Variants in CCDC138 observed in about 807,000 individuals in gnomAD.
The protein encoded by CCDC138 is coiled-coil domain-containing protein 138.
In CCDC138, 66 loss-of-function variants were observed where a neutral mutation model predicts 82.3. The ratio of observed to expected loss-of-function variants is 0.80; its 90% CI spans 0.66 to 0.98. The LOEUF is 0.98. CCDC138 is among the 50% of genes least tolerant of loss of function. CCDC138 has a pLI of 0.00. For missense variants in CCDC138, 816 were observed against 758.9 expected (o/e 1.08, Z -0.88); for synonymous variants, 297 against 265.4 (o/e 1.12, Z -1.16).
chr2:108,815,857 T>G, intron 9 of CCDC138, 84 bp from the exon 10 acceptor site: 1 of 1,126,712 alleles, frequency 8.9e-7, no homozygotes, highest in South Asian at 1.5e-5. Context: ...CAAATTATTC[T>G]TATTACTTAA....
Position 108,873,488 on chromosome 2 carries a change from T to C in CCDC138, c.1731T>C (p.Ser577=). 1 of 1,608,530 alleles carries C rather than the reference T, an allele frequency of 6.2e-7. No homozygotes were observed. The highest frequency in any genetic ancestry group is 8.5e-7 in the Non-Finnish European group (1 of 1,177,620). Residue 577 remains serine (S), a synonymous_variant, in exon 14 of 15, where the codon TCT becomes TCC. Transcript: ENST00000295124. Reference sequence around the variant, plus strand: ...CTTTCCTGGAAGCCTGTAGCAACTCTTTATTTTTTCGTACTTGCTCTGTGC... The same window carrying C: ...CTTTCCTGGAAGCCTGTAGCAACTCCTTATTTTTTCGTACTTGCTCTGTGC... ...LQPFLEACSN[S]LFFRTCSVLL...
rs1426627213 is a variant in CCDC138, at chr2:108,815,984, T to C, written c.1085T>C (p.Met362Thr). The C allele has an allele frequency of 2.5e-6, 4 of 1,613,466 alleles. No homozygotes were observed. In the African/African-American group the frequency reaches 4.0e-5, roughly 16 times the overall value. Reference sequence around the variant, plus strand: ...GTTTATGAACTTTTAACTGTCTTCATGGACTGGATTTCGGATCATCATCTT... The same window carrying C: ...GTTTATGAACTTTTAACTGTCTTCACGGACTGGATTTCGGATCATCATCTT... ...GQVYELLTVF[M>T]DWISDHHLSK... The change falls in exon 10 of 15, where the codon ATG (methionine) becomes ACG (threonine). Residue 362 changes from methionine to threonine, a missense_variant. By Grantham distance (81) the Met-to-Thr change is moderately conservative. Coordinates refer to ENST00000295124, the MANE Select transcript of CCDC138 (RefSeq NM_144978.3).
chr2:108,794,577 G>T lies in CCDC138; in HGVS notation c.432G>T (p.Arg144=). Residue 144 remains arginine (R), a synonymous_variant, in exon 5 of 15, where the codon CGG becomes CGT. Coordinates refer to ENST00000295124, the MANE Select transcript of CCDC138 (RefSeq NM_144978.3). ...LPTNTTSSRP[R]TECCSDAGDS... ...CTAATACGACCTCATCGAGACCTCG[G>T]ACTGAGTGTTGTAGTGATGCAGGTG... The T allele has an allele frequency of 6.2e-7, 1 of 1,613,718 alleles. No individual in the cohort carries two copies. The highest frequency in any genetic ancestry group is 8.5e-7 in the Non-Finnish European group (1 of 1,179,858).
chr2:108,787,197 G>A (rs1477599231), intron 1 of CCDC138, among the ~76,000 whole-genome samples: 5 of 152,214 alleles, frequency 3.3e-5, no homozygotes, highest in Non-Finnish European at 7.4e-5. Context: ...GCAGTGATGT[G>A]AGTGGAGTTG....
intron 12 of CCDC138, among the ~76,000 whole-genome samples, chr2:108,855,059 A>G (rs1195819076): frequency 6.6e-6 from 1 of 152,232 alleles, no homozygotes; most frequent in African/African-American, 2.4e-5. Flanking sequence ...TGAATAATAT[A>G]GCATTTATAA....
At chr2:108,813,358 G>A (rs1684231142) in intron 9 of CCDC138, among the ~76,000 whole-genome samples, 1 of 150,454 alleles carries the variant, frequency 6.6e-6, no homozygotes, top group African/African-American at 2.4e-5. Context: ...TTTTTGGAAT[G>A]TTTGCTATGG....
chr2:108,790,734 G>C (rs904166802), intron 3 of CCDC138, among the ~76,000 whole-genome samples: 1 of 152,114 alleles, frequency 6.6e-6, no homozygotes, highest in Non-Finnish European at 1.5e-5. Context: ...ATAAAATAAT[G>C]TAAAATATCT....
At chr2:108,832,742 T>C (rs1442315932) in intron 10 of CCDC138, among the ~76,000 whole-genome samples, 2 of 152,102 alleles carry the variant, frequency 1.3e-5, no homozygotes, top group Admixed American at 6.5e-5. Context: ...GAAGGATGAG[T>C]AGGTTTTTGT....
At chr2:108,843,841 G>GTTTT (rs1574181368) in intron 11 of CCDC138, among the ~76,000 whole-genome samples, 3 of 81,786 alleles carry the variant, frequency 3.7e-5, no homozygotes, top group Admixed American at 1.4e-4. Flanking sequence ...TCAAGTTCAT[G>GTTTT]TTTTGTGTGT....
intron 11 of CCDC138, among the ~76,000 whole-genome samples, chr2:108,840,318 G>A (rs564740225): frequency 1.5e-4 from 23 of 151,926 alleles, no homozygotes; most frequent in Non-Finnish European, 2.9e-4. Context: ...ACTCTCTTTG[G>A]TTTTGTATCA....
At chr2:108,824,767 T>G (rs2150117029) in intron 10 of CCDC138, among the ~76,000 whole-genome samples, 1 of 152,330 alleles carries the variant, frequency 6.6e-6, no homozygotes, top group Middle Eastern at 3.4e-3. Context: ...CACAGTAGTT[T>G]TTTTTTTACA....
chr2:108,788,846 T>C lies in CCDC138; in HGVS notation c.152-6T>C. ...TAATCTTTCATGGTTTCTTTGTCGT[T>C]GACAGGTGATTTGGATATCTACTCT... On this transcript the variant is annotated splice_region_variant and splice_polypyrimidine_tract_variant and intron_variant, in intron 2 of 14. Coordinates refer to ENST00000295124, the MANE Select transcript of CCDC138 (RefSeq NM_144978.3). 1 of 1,614,030 alleles carries C rather than the reference T, an allele frequency of 6.2e-7. No homozygotes were observed. Among genetic ancestry groups the C allele is most frequent in the Non-Finnish European group, 8.5e-7 (1 of 1,179,940 alleles).
In CCDC138 at chr2:108,876,313, C is replaced by A; in HGVS notation, c.*60C>A. On this transcript the variant is annotated 3_prime_UTR_variant, in exon 15 of 15. Transcript: ENST00000295124. The stretch of plus-strand genomic sequence containing the variant: ...TTATTTATAAACATGTAGAAATTAC[C>A]AAAGTAACTACAATTCTACCAAGTA... 3 of 914,842 alleles carry A rather than the reference C, an allele frequency of 3.3e-6. No homozygotes were observed. The highest frequency in any genetic ancestry group is 3.2e-6 in the Non-Finnish European group (2 of 621,856). The allele number at this position is 914,842 out of a possible 1,614,324, so 56.7% of individuals were successfully genotyped here.
intron 11 of CCDC138, among the ~76,000 whole-genome samples, chr2:108,845,217 A>ATT (rs939945142): frequency 6.6e-6 from 1 of 151,994 alleles, no homozygotes; most frequent in African/African-American, 2.4e-5. Flanking sequence ...AAAAACATGT[A>ATT]TTTTTTTTCT....
At chr2:108,788,384 C>CGTAG (rs906457670) in intron 2 of CCDC138, among the ~76,000 whole-genome samples, 15 of 150,858 alleles carry the variant, frequency 9.9e-5, no homozygotes, top group African/African-American at 3.7e-4. Context: ...GGCGCCACTA[C>CGTAG]ACTCCAGCCT....
At chr2:108,869,416 A>G (rs1448362213) in intron 13 of CCDC138, among the ~76,000 whole-genome samples, 4 of 152,166 alleles carry the variant, frequency 2.6e-5, no homozygotes, top group Non-Finnish European at 4.4e-5. Context: ...ATTCTTGCCT[A>G]TCAATGGGTT....
intron 7 of CCDC138, among the ~76,000 whole-genome samples, chr2:108,810,696 AC>A (rs1683642450): frequency 2.0e-5 from 3 of 152,088 alleles, no homozygotes; most frequent in Admixed American, 2.0e-4. Flanking sequence ...AGAATTCTCT[AC>A]CCTTCAGTTT....
intron 13 of CCDC138, among the ~76,000 whole-genome samples, chr2:108,866,624 C>T (rs564777013): frequency 5.3e-5 from 8 of 152,278 alleles, no homozygotes; most frequent in Non-Finnish European, 8.8e-5. Context: ...GTGGCTCATG[C>T]CTGTAATCCC....
intron 11 of CCDC138, among the ~76,000 whole-genome samples, chr2:108,841,638 G>T (rs935683160): frequency 2.6e-5 from 4 of 151,860 alleles, no homozygotes; most frequent in African/African-American, 9.7e-5. Context: ...TATCTAGAAT[G>T]AGTTTTTTTA....
Sources: gnomAD v4.1 joint callset for allele counts (sites outside exome capture counted in the v4.1 genomes callset) on GRCh38, gnomAD v4.1.1 for gene constraint, MANE v1.5 for transcripts, NCBI Gene and HGNC (gene_info 2026-07-23, HGNC 2026-07-21) for gene names.